CSF1: variants seen among roughly 807,000 people sequenced by gnomAD.
CSF1 encodes the protein colony stimulating factor 1, also known as macrophage colony-stimulating factor 1.
A neutral mutation model predicts 48.9 loss-of-function variants in CSF1; 9 were observed. The ratio of observed to expected loss-of-function variants is 0.18; its 90% CI spans 0.11 to 0.32. The LOEUF is 0.32. Ranked by LOEUF, CSF1 falls within the 10% of genes least tolerant of loss-of-function variation. The pLI is 1.00. For synonymous variants in CSF1, 305 were observed against 284.1 expected (o/e 1.07, Z -0.74); for missense variants, 672 against 697.9 (o/e 0.96, Z 0.42).
In CSF1 at chr1:109,911,011, C is replaced by A; in HGVS notation, c.-13C>A. On this transcript the variant is annotated 5_prime_UTR_variant, in exon 1 of 9. Transcript: ENST00000329608. ...GGGCGGCCGACGCGCCCGGCCGGGA[C>A]CCAGCTGCCCGTATGACCGCGCCGG... 2 of 1,168,690 alleles carry A rather than the reference C, an allele frequency of 1.7e-6. No individual in the cohort carries two copies. Among genetic ancestry groups the A allele is most frequent in the Non-Finnish European group, 2.1e-6 (2 of 949,192 alleles). 72.4% of individuals were successfully genotyped at this position (1,168,690 alleles called of 1,614,324 possible).
chr1:109,917,898 C>T (rs333968), intron 4 of CSF1, among the ~76,000 whole-genome samples: 116,944 of 152,130 alleles, frequency 0.77, 47,372 homozygotes, highest in Non-Finnish European at 0.91. Flanking sequence ...TTGGGGGTGA[C>T]GGTAGTGGTG....
chr1:109,924,859 AC>A, intron 7 of CSF1, 31 bp downstream of exon 7: 1 of 1,596,940 alleles, frequency 6.3e-7, no homozygotes, highest in East Asian at 2.3e-5. Context: ...TCTGGGAGGC[AC>A]TGGGGGCCTG....
At chr1:109,922,962 T>C (rs1647630927) in intron 5 of CSF1, among the ~76,000 whole-genome samples, 1 of 152,122 alleles carries the variant, frequency 6.6e-6, no homozygotes, top group Admixed American at 6.5e-5. Context: ...TCACTGCTCA[T>C]GAGACCCTGC....
intron 5 of CSF1, among the ~76,000 whole-genome samples, 160 bp from the exon 6 acceptor site, chr1:109,923,006 T>G (rs1217205543): frequency 1.3e-5 from 2 of 152,014 alleles, no homozygotes; most frequent in Non-Finnish European, 2.9e-5. Context: ...GAGCACCCAC[T>G]CTAGTCCCAT....
intron 5 of CSF1, chr1:109,922,237 CAAG>C (rs1208592704): frequency 2.6e-6 from 1 of 382,450 alleles, no homozygotes; most frequent in African/African-American, 2.1e-5. Context: ...GTGGCAGCGT[CAAG>C]AAGGATCATG....
Position 109,914,122 on chromosome 1 carries a change from G to T in CSF1, c.40-137G>T, listed in dbSNP as rs1275270198. 3 of 919,456 alleles carry T rather than the reference G, an allele frequency of 3.3e-6. No homozygotes were observed. The African/African-American group carries it at 5.1e-5, about 16-fold the overall frequency. The allele number at this position is 919,456 out of a possible 1,614,324, so 57.0% of individuals were successfully genotyped here. A position where few individuals can be genotyped will look rare whatever the true frequency, so the allele number is the denominator to read the frequency against. Reference sequence around the variant, plus strand: ...AAATCCTGGGAAAGCTGGATTTGAGGGATGCTGTATCCTGAGGTAAGGGGC... The same window carrying T: ...AAATCCTGGGAAAGCTGGATTTGAGTGATGCTGTATCCTGAGGTAAGGGGC... On this transcript the variant is annotated intron_variant, in intron 1 of 8. Coordinates refer to ENST00000329608, the MANE Select transcript of CSF1 (RefSeq NM_000757.6).
In CSF1 at chr1:109,924,221, C is replaced by A. The variant is rs755086255; in HGVS notation, c.1569+31C>A. On this transcript the variant is annotated intron_variant, in intron 6 of 8. Transcript: ENST00000329608. Reference sequence around the variant, plus strand: ...TAGATCCCCATGAGGAAGAAGAGCACGTCCCTTAGGGCAGGGGCAGAGCCT... The same window carrying A: ...TAGATCCCCATGAGGAAGAAGAGCAAGTCCCTTAGGGCAGGGGCAGAGCCT... The A allele has an allele frequency of 1.9e-6, 3 of 1,563,738 alleles. No individual in the cohort carries two copies. The African/African-American group carries it at 4.1e-5, about 21-fold the overall frequency.
chr1:109,924,675 C>A (rs912315494), intron 6 of CSF1, 101 bp from the exon 7 acceptor site: 3 of 1,069,792 alleles, frequency 2.8e-6, no homozygotes, highest in Non-Finnish European at 2.8e-6. Flanking sequence ...AGGACTCTTG[C>A]AACTCTCTCA....
intron 8 of CSF1, among the ~76,000 whole-genome samples, chr1:109,927,262 C>G (rs1647882609): frequency 6.6e-6 from 1 of 152,234 alleles, no homozygotes; most frequent in South Asian, 2.1e-4. Flanking sequence ...AGTGACAGGT[C>G]TGGGCCCCTT....
rs1377816397 is a variant in CSF1 at position 109,910,994 on chromosome 1, G to A, written c.-30G>A. Reference sequence around the variant, plus strand: ...AGCGAGCGAGCGAGCGAGGGCGGCCGACGCGCCCGGCCGGGACCCAGCTGC... The same window carrying A: ...AGCGAGCGAGCGAGCGAGGGCGGCCAACGCGCCCGGCCGGGACCCAGCTGC... On this transcript the variant is annotated 5_prime_UTR_variant, in exon 1 of 9. Coordinates refer to ENST00000329608, the MANE Select transcript of CSF1 (RefSeq NM_000757.6). 2.6e-6 allele frequency: 3 copies of A among 1,166,230 alleles called. No homozygotes were observed. The highest frequency in any genetic ancestry group is 2.1e-6 in the Non-Finnish European group (2 of 947,726). 72.2% of individuals were successfully genotyped at this position (1,166,230 alleles called of 1,614,324 possible). A position where few individuals can be genotyped will look rare whatever the true frequency, so the allele number is the denominator to read the frequency against.
At chr1:109,928,382 A>G (rs1334635762) in intron 8 of CSF1, among the ~76,000 whole-genome samples, 1 of 152,146 alleles carries the variant, frequency 6.6e-6, no homozygotes, top group Non-Finnish European at 1.5e-5. Flanking sequence ...ACTGTCTTGA[A>G]CATCATATGT....
chr1:109,926,047 A>G (rs1349278595), intron 8 of CSF1: 1 of 152,068 alleles, frequency 6.6e-6, no homozygotes, highest in African/African-American at 2.4e-5. Context: ...CGTTCCTTAT[A>G]TGATATGGTT....
In CSF1 at chr1:109,924,022, C is replaced by G. The variant is rs1355090586; in HGVS notation, c.1401C>G (p.Pro467=). 6.2e-7 allele frequency: 1 copy of G among 1,614,194 alleles called. No homozygotes were observed. Residue 467 remains proline (P), a synonymous_variant, in exon 6 of 9, where the codon CCC becomes CCG. Coordinates refer to ENST00000329608, the MANE Select transcript of CSF1 (RefSeq NM_000757.6). ...GGPASEGAAR[P]LPRFNSVPLT... is the part of the protein sequence containing the mutation. Reference sequence around the variant, plus strand: ...CAGCAAGTGAAGGGGCAGCCAGGCCCCTGCCCCGTTTTAACTCCGTTCCTT... The same window carrying G: ...CAGCAAGTGAAGGGGCAGCCAGGCCGCTGCCCCGTTTTAACTCCGTTCCTT...
In CSF1 at chr1:109,923,188, C is replaced by T; in HGVS notation, c.567C>T (p.Cys189=). ...CAGATGTGGTGACCAAGCCTGATTG[C>T]AACTGCCTGTACCCCAAAGCCATCC... The part of the protein sequence containing the change: ...SSQDVVTKPD[C]NCLYPKAIPS... The change falls in exon 6 of 9, where the codon TGC becomes TGT. Residue 189 remains cysteine, a synonymous_variant. Transcript: ENST00000329608. 1 of 1,521,434 alleles carries T rather than the reference C, an allele frequency of 6.6e-7. No individual in the cohort carries two copies. Among genetic ancestry groups the T allele is most frequent in the Middle Eastern group, 1.8e-4 (1 of 5,612 alleles). 94.2% of individuals were successfully genotyped at this position (1,521,434 alleles called of 1,614,324 possible).
Position 109,923,376 on chromosome 1 carries a change from G to C in CSF1, c.755G>C (p.Arg252Pro), listed in dbSNP as rs754408495. Residue 252 changes from arginine to proline, a missense_variant, in exon 6 of 9, where the codon CGG becomes CCG. This residue lies in a region of CSF1 where 591 missense variants were observed against 593.6 expected (regional missense o/e 1.00). Transcript: ENST00000329608. ...HTVDPGSAKQ[R>P]PPRSTCQSFE... Reference sequence around the variant, plus strand: ...GTGGATCCAGGCAGTGCCAAGCAGCGGCCACCCAGGAGCACCTGCCAGAGC... The same window carrying C: ...GTGGATCCAGGCAGTGCCAAGCAGCCGCCACCCAGGAGCACCTGCCAGAGC... 1.9e-6 allele frequency: 3 copies of C among 1,613,244 alleles called. No individual in the cohort carries two copies. Among genetic ancestry groups the C allele is most frequent in the Non-Finnish European group, 1.7e-6 (2 of 1,179,658 alleles).
chr1:109,926,555 G>T (rs1441055891), intron 8 of CSF1: 1 of 152,152 alleles, frequency 6.6e-6, no homozygotes, highest in Non-Finnish European at 1.5e-5. Flanking sequence ...TGATGTAGCT[G>T]TGACCCTATT....
chr1:109,925,063 TG>T, intron 7 of CSF1, 83 bp from the exon 8 acceptor site: 1 of 1,296,424 alleles, frequency 7.7e-7, no homozygotes, highest in Non-Finnish European at 1.1e-6. Flanking sequence ...AGAGCATGTC[TG>T]GGGCTTAGGG....
Position 109,910,980 on chromosome 1 carries a change from G to T in CSF1, c.-44G>T. On this transcript the variant is annotated 5_prime_UTR_variant, in exon 1 of 9. Transcript: ENST00000329608. ...CGCAGCAGCCAGCGAGCGAGCGAGCGAGCGAGGGCGGCCGACGCGCCCGGC... is the reference window on the plus strand; with the variant it reads ...CGCAGCAGCCAGCGAGCGAGCGAGCTAGCGAGGGCGGCCGACGCGCCCGGC... The T allele has an allele frequency of 8.7e-7, 1 of 1,146,200 alleles. No individual in the cohort carries two copies. The highest frequency in any genetic ancestry group is 1.1e-6 in the Non-Finnish European group (1 of 936,226). The allele number at this position is 1,146,200 out of a possible 1,614,324, so 71.0% of individuals were successfully genotyped here.
chr1:109,918,629 C>T (rs911903131), intron 4 of CSF1, among the ~76,000 whole-genome samples: 8 of 152,142 alleles, frequency 5.3e-5, no homozygotes, highest in African/African-American at 1.9e-4. Context: ...AAAGAAAAAG[C>T]CAAGGATGGT....
Sources: allele counts gnomAD v4.1 joint callset (sites outside exome capture counted in the v4.1 genomes callset), GRCh38; gene constraint gnomAD v4.1.1; regional missense constraint gnomAD v4.1.1; transcripts MANE v1.5; gene names NCBI Gene and HGNC (gene_info 2026-07-23, HGNC 2026-07-21).